MAGI2: variants seen among roughly 807,000 people sequenced by gnomAD.
The protein encoded by MAGI2 is membrane-associated guanylate kinase, WW and PDZ domain-containing protein 2.
A neutral mutation model predicts 133.3 loss-of-function variants in MAGI2; 35 were observed. The ratio of observed to expected loss-of-function variants is 0.26; its 90% CI spans 0.20 to 0.35. The LOEUF is 0.35. Among genes scored for constraint, MAGI2 ranks in the 10% least tolerant of loss-of-function variants. MAGI2 has a pLI of 1.00. For missense variants in MAGI2, 1,636 were observed against 1,863.4 expected, an observed-to-expected ratio of 0.88 and a Z score of 2.25; for synonymous variants, 729 against 710.6, an observed-to-expected ratio of 1.03 and a Z score of -0.41.
chr7:78,849,509 G>A (rs1347773185), intron 2 of MAGI2, among the ~76,000 whole-genome samples: 2 of 152,024 alleles, frequency 1.3e-5, no homozygotes, highest in Admixed American at 6.6e-5. Flanking sequence ...AGCAACACAC[G>A]TTCCTTTTGG....
chr7:78,783,973 G>T (rs1318721074), intron 2 of MAGI2, among the ~76,000 whole-genome samples: 1 of 152,108 alleles, frequency 6.6e-6, no homozygotes, highest in Non-Finnish European at 1.5e-5. Flanking sequence ...GACTGAGTCT[G>T]GGATATAGCC....
At chr7:78,644,698 G>A in intron 2 of MAGI2, among the ~76,000 whole-genome samples, 1 of 152,064 alleles carries the variant, frequency 6.6e-6, no homozygotes, top group Non-Finnish European at 1.5e-5. Context: ...TAGAAACGCA[G>A]AAAGGTCTCA....
intron 1 of MAGI2, among the ~76,000 whole-genome samples, chr7:79,046,069 T>A (rs1346635743): frequency 6.6e-6 from 1 of 152,188 alleles, no homozygotes; most frequent in Non-Finnish European, 1.5e-5. Flanking sequence ...TCTTTGCAAC[T>A]TCCTGTGTGC....
intron 3 of MAGI2, among the ~76,000 whole-genome samples, chr7:78,626,682 T>C (rs1337468766): frequency 6.6e-6 from 1 of 151,700 alleles, no homozygotes; most frequent in African/African-American, 2.4e-5. Flanking sequence ...GCCAGTGAGG[T>C]AGAGTAATTT....
intron 6 of MAGI2, among the ~76,000 whole-genome samples, chr7:78,399,239 T>C (rs1796628044): frequency 6.6e-6 from 1 of 152,188 alleles, no homozygotes. Context: ...CACACATGCA[T>C]GCGGGTGTGT....
At chr7:78,413,690 A>G (rs1009533483) in intron 6 of MAGI2, among the ~76,000 whole-genome samples, 1 of 151,970 alleles carries the variant, frequency 6.6e-6, no homozygotes, top group African/African-American at 2.4e-5. Context: ...GAAAAAGAAG[A>G]TGAGAGGTAG....
At position 78,813,508 on chromosome 7, in the gene MAGI2, G is replaced by A. The variant is rs116869890; in HGVS notation, c.419-186269C>T. 0.01 allele frequency among the ~76,000 whole-genome samples: 1,535 copies of A among 152,200 alleles called. 62 individuals carry two copies. The East Asian group carries it at 0.13, about 13-fold the overall frequency. On this transcript the variant is annotated intron_variant, in intron 2 of 21. Transcript: ENST00000354212. ...ATGAGCAAAACTATCAGCAGGGGCC[G>A]GGCGCGATGGCTCACGCCTGTAATC...
At chr7:78,515,200 A>T (rs929722593) in intron 4 of MAGI2, among the ~76,000 whole-genome samples, 2 of 152,230 alleles carry the variant, frequency 1.3e-5, no homozygotes, top group Non-Finnish European at 2.9e-5. Flanking sequence ...ACTCTGGTTT[A>T]CATGATCTTG....
chr7:78,532,086 T>G (rs1487095914), intron 3 of MAGI2, among the ~76,000 whole-genome samples: 4 of 152,080 alleles, frequency 2.6e-5, no homozygotes, highest in Non-Finnish European at 5.9e-5. Context: ...CTACCACTAA[T>G]CTCCTTAAAT....
intron 2 of MAGI2, among the ~76,000 whole-genome samples, chr7:78,958,583 T>C (rs1317251224): frequency 6.6e-6 from 1 of 152,170 alleles, no homozygotes; most frequent in Non-Finnish European, 1.5e-5. Context: ...ATTAAATGTA[T>C]AAAAAGTAAT....
chr7:78,175,390 C>T (rs1291765319), intron 14 of MAGI2, among the ~76,000 whole-genome samples: 2 of 152,096 alleles, frequency 1.3e-5, no homozygotes, highest in Non-Finnish European at 2.9e-5. Context: ...TTTTTGGGGC[C>T]CCTCAGCTGA....
At chr7:78,563,329 C>G (rs983556867) in intron 3 of MAGI2, among the ~76,000 whole-genome samples, 3 of 152,106 alleles carry the variant, frequency 2.0e-5, no homozygotes, top group Admixed American at 2.0e-4. Flanking sequence ...TTCGCAGAGA[C>G]CATGGGGGCT....
chr7:79,133,113 A>T (rs1205255240), intron 1 of MAGI2, among the ~76,000 whole-genome samples: 1 of 151,878 alleles, frequency 6.6e-6, no homozygotes, highest in Non-Finnish European at 1.5e-5. Flanking sequence ...GTTTACTCTG[A>T]TTATTATTTC....
At chr7:79,354,874 G>A (rs879489928) in intron 1 of MAGI2, among the ~76,000 whole-genome samples, 2 of 152,126 alleles carry the variant, frequency 1.3e-5, no homozygotes, top group African/African-American at 4.8e-5. Context: ...CTCCTAAGCC[G>A]CTCCTTAGTG....
chr7:78,462,482 C>A (rs1790167352), intron 6 of MAGI2, among the ~76,000 whole-genome samples: 2 of 152,074 alleles, frequency 1.3e-5, no homozygotes, highest in South Asian at 4.1e-4. Context: ...AGGAGGAGAG[C>A]CCTCAAGGCA....
chr7:78,807,783 A>G (rs1408736295), intron 2 of MAGI2, among the ~76,000 whole-genome samples: 1 of 152,226 alleles, frequency 6.6e-6, no homozygotes, highest in Non-Finnish European at 1.5e-5. Flanking sequence ...ACATCCATTG[A>G]AAAATAATGG....
intron 9 of MAGI2, among the ~76,000 whole-genome samples, chr7:78,296,732 T>G (rs1004395281): frequency 2.3e-4 from 35 of 152,230 alleles, no homozygotes; most frequent in Admixed American, 2.0e-4. Flanking sequence ...AAATGCTTGC[T>G]TAAGCATCAG....
intron 1 of MAGI2, among the ~76,000 whole-genome samples, chr7:79,020,858 C>G (rs2116690047): frequency 6.6e-6 from 1 of 152,172 alleles, no homozygotes; most frequent in African/African-American, 2.4e-5. Context: ...TGTCAGAGGT[C>G]TTCACAGCAG....
In MAGI2 at chr7:78,607,448, T is replaced by C. The variant is rs55693564; in HGVS notation, c.538+19672A>G. 7.0e-3 allele frequency among the ~76,000 whole-genome samples: 1,054 copies of C among 151,260 alleles called. 15 individuals carry two copies. Among genetic ancestry groups the C allele is most frequent in the African/African-American group, 0.025 (1,015 of 41,120 alleles). On this transcript the variant is annotated intron_variant, in intron 3 of 21. Transcript: ENST00000354212. Reference sequence around the variant, plus strand: ...TCAGAGACGCTTAACAAAGTTCCCTTGTATGGAAACAGAACCACATGTTCC... The same window carrying C: ...TCAGAGACGCTTAACAAAGTTCCCTCGTATGGAAACAGAACCACATGTTCC...
Sources: allele counts gnomAD v4.1 joint callset (sites outside exome capture counted in the v4.1 genomes callset), GRCh38; gene constraint gnomAD v4.1.1; transcripts MANE v1.5; gene names NCBI Gene and HGNC (gene_info 2026-07-23, HGNC 2026-07-21).